The following NRAP variants were observed in gnomAD, a reference collection of about 807,000 sequenced individuals.
NRAP encodes the protein nebulin related anchoring protein.
A neutral mutation model predicts 225.9 loss-of-function variants in NRAP; 189 were observed. The ratio of observed to expected loss-of-function variants is 0.84; its 90% CI spans 0.74 to 0.94. The LOEUF (loss-of-function observed/expected upper bound fraction) is 0.94. NRAP is among the 40% of genes least tolerant of loss of function. The pLI is 0.00. For synonymous variants in NRAP, 769 were observed against 790.7 expected, an observed-to-expected ratio of 0.97 and a Z score of 0.46; for missense variants, 2,176 against 2,168.7, an observed-to-expected ratio of 1.00 and a Z score of -0.07.
chr10:113,648,877 G>A (rs77741765), intron 9 of NRAP, among the ~76,000 whole-genome samples: 3,056 of 152,218 alleles, frequency 0.02, 111 homozygotes, highest in African/African-American at 0.07. Context: ...GACATGTCTA[G>A]GTACACATAT....
In NRAP at chr10:113,591,023, A is replaced by G. The variant is rs2133816534; in HGVS notation, c.4645-134T>C. On this transcript the variant is annotated intron_variant, in intron 39 of 41. Transcript: ENST00000359988. ...TTAGAGGCACAGGCTTTGGATTCAAATAGACCTATCTGTGTGGTCATGGGC... is the reference window on the plus strand; with the variant it reads ...TTAGAGGCACAGGCTTTGGATTCAAGTAGACCTATCTGTGTGGTCATGGGC... 3 of 690,320 alleles carry G rather than the reference A, an allele frequency of 4.3e-6. No individual in the cohort carries two copies. The South Asian group carries it at 5.6e-5, about 13-fold the overall frequency. 42.8% of individuals were successfully genotyped at this position (690,320 alleles called of 1,614,324 possible). A position where few individuals can be genotyped will look rare whatever the true frequency, so the allele number is the denominator to read the frequency against.
At chr10:113,630,997 G>C (rs1848543497) in intron 18 of NRAP, among the ~76,000 whole-genome samples, 2 of 152,098 alleles carry the variant, frequency 1.3e-5, no homozygotes, top group South Asian at 4.2e-4. Flanking sequence ...CATTTACCAA[G>C]GTTCCTCTCC....
chr10:113,614,568 ACT>A (rs1295279092), intron 28 of NRAP, among the ~76,000 whole-genome samples: 2 of 152,098 alleles, frequency 1.3e-5, no homozygotes, highest in African/African-American at 2.4e-5. Flanking sequence ...CTTCACATGG[ACT>A]CTCTTTATGA....
intron 21 of NRAP, 72 bp downstream of exon 21, chr10:113,625,975 G>A: frequency 9.9e-7 from 1 of 1,013,900 alleles, no homozygotes. Context: ...GGCGGCACCT[G>A]CTGTTGTCCC....
chr10:113,655,916 T>C (rs781265103), intron 4 of NRAP, among the ~76,000 whole-genome samples: 1 of 152,222 alleles, frequency 6.6e-6, no homozygotes, highest in South Asian at 2.1e-4. Flanking sequence ...AGAAATATAC[T>C]GTAAACCAAA....
intron 37 of NRAP, 141 bp downstream of exon 37, chr10:113,596,945 C>T (rs1846313890): frequency 3.4e-6 from 2 of 583,940 alleles, no homozygotes; most frequent in South Asian, 2.4e-5. Context: ...GAAAGATTTA[C>T]ACACCCATCT....
chr10:113,641,369 C>T lies in NRAP; in HGVS notation c.1319G>A (p.Ser440Asn), dbSNP rs776478802. ...LHAMKVGSLASNVAYKADYKH... is the reference protein window; with the variant it reads ...LHAMKVGSLANNVAYKADYKH... The stretch of plus-strand genomic sequence containing the variant: ...CCCTGGCATAAAAGGACTCACGTTG[C>T]TTGCCAGGCTGCCAACTTTCATAGC... The change falls in exon 13 of 42, where the codon AGC becomes AAC. Residue 440 changes from serine to asparagine, a missense_variant. Transcript: ENST00000359988. The T allele has an allele frequency of 1.2e-6, 2 of 1,609,328 alleles. No homozygotes were observed. Among genetic ancestry groups the T allele is most frequent in the Admixed American group, 1.7e-5 (1 of 59,954 alleles).
intron 41 of NRAP, 122 bp downstream of exon 41, chr10:113,589,544 C>A: frequency 4.1e-6 from 5 of 1,205,500 alleles, no homozygotes; most frequent in Non-Finnish European, 3.5e-6. Flanking sequence ...GTTTGAGCTG[C>A]GTTTCACACT....
rs765441286 is a variant in NRAP, at chr10:113,640,261, T to C, written c.1394A>G (p.Tyr465Cys). The C allele has an allele frequency of 3.7e-6, 6 of 1,606,442 alleles. No homozygotes were observed. Among genetic ancestry groups the C allele is most frequent in the Admixed American group, 1.7e-5 (1 of 58,620 alleles). Reference sequence around the variant, plus strand: ...GGGCACCAGTTTCATAGCTGTTTGATAGGAAGGCGTGAGAGTGGCTGGGTA... The same window carrying C: ...GGGCACCAGTTTCATAGCTGTTTGACAGGAAGGCGTGAGAGTGGCTGGGTA... ...YNYPATLTPS[Y>C]QTAMKLVPLK... The change falls in exon 14 of 42, where the codon TAT becomes TGT. Residue 465 changes from tyrosine (Y) to cysteine (C), a missense_variant. Physicochemically the swap from Tyr to Cys is radical, Grantham distance 194. Coordinates refer to ENST00000359988, the MANE Select transcript of NRAP (RefSeq NM_198060.4).
chr10:113,615,705 G>A lies in NRAP; in HGVS notation c.3078+7C>T. 1.3e-6 allele frequency: 2 copies of A among 1,556,716 alleles called. No homozygotes were observed. Among genetic ancestry groups the A allele is most frequent in the African/African-American group, 1.4e-5 (1 of 74,002 alleles). ...ATTAAAACTCGTGCCCCTTGGGTCA[G>A]CCTCACCTCACTGATATTCATGGCA... On this transcript the variant is annotated splice_region_variant and intron_variant, in intron 27 of 41. Coordinates refer to ENST00000359988, the MANE Select transcript of NRAP (RefSeq NM_198060.4).
rs191236517 is a variant in NRAP at position 113,597,869 on chromosome 10, A to C, written c.4332+100T>G. ...CAAAAATACTGGGAGTCCAGTGGCC[A>C]TGAGGTCCTTTGGGTTCTCCACTCC... On this transcript the variant is annotated intron_variant, in intron 36 of 41. Coordinates refer to ENST00000359988, the MANE Select transcript of NRAP (RefSeq NM_198060.4). The C allele has an allele frequency of 7.0e-6, 6 of 859,074 alleles. No homozygotes were observed. The African/African-American group carries it at 8.2e-5, about 12-fold the overall frequency. The allele number at this position is 859,074 out of a possible 1,614,324, so 53.2% of individuals were successfully genotyped here. A position where few individuals can be genotyped will look rare whatever the true frequency, so the allele number is the denominator to read the frequency against.
intron 24 of NRAP, among the ~76,000 whole-genome samples, chr10:113,621,583 C>T (rs1113394): frequency 6.6e-6 from 1 of 152,088 alleles, no homozygotes; most frequent in African/African-American, 2.4e-5. Context: ...AAAGATACCT[C>T]CCCCCTGGCA....
intron 21 of NRAP, 30 bp downstream of exon 21, chr10:113,626,017 T>C (rs761641915): frequency 2.6e-6 from 4 of 1,513,200 alleles, no homozygotes; most frequent in Non-Finnish European, 3.6e-6. Flanking sequence ...ACACAGCAGC[T>C]TGGTGGAGAA....
intron 31 of NRAP, among the ~76,000 whole-genome samples, chr10:113,610,171 GA>G (rs1847236472): frequency 6.6e-6 from 1 of 151,954 alleles, no homozygotes; most frequent in Non-Finnish European, 1.5e-5. Context: ...CCAACATGGT[GA>G]AACCCCATCT....
chr10:113,629,163 T>G (rs1322870604), intron 19 of NRAP, 142 bp from the exon 20 acceptor site: 6 of 693,526 alleles, frequency 8.7e-6, no homozygotes, highest in Non-Finnish European at 1.5e-5. Context: ...CAGGCAGATC[T>G]CCACTTGGGA....
chr10:113,605,456 A>G (rs984467564), intron 34 of NRAP, among the ~76,000 whole-genome samples: 47 of 152,182 alleles, frequency 3.1e-4, no homozygotes, highest in African/African-American at 1.1e-3. Context: ...CTCGTTCTAA[A>G]TCTGGGTGGA....
intron 9 of NRAP, among the ~76,000 whole-genome samples, chr10:113,647,917 T>C (rs1326234630): frequency 6.6e-6 from 1 of 152,252 alleles, no homozygotes; most frequent in Non-Finnish European, 1.5e-5. Context: ...GAAAACCTTC[T>C]CTTTCATGAC....
chr10:113,648,614 A>G (rs1275765127), intron 9 of NRAP, among the ~76,000 whole-genome samples: 1 of 152,002 alleles, frequency 6.6e-6, no homozygotes, highest in Admixed American at 6.6e-5. Context: ...GGCACTACAG[A>G]TATTTATAGT....
At position 113,603,885 on chromosome 10, in the gene NRAP, C is replaced by G. The variant is rs138626121; in HGVS notation, c.4227+724G>C. Reference sequence around the variant, plus strand: ...CCCTATTTTAAATGGCACACGTGTACGTGCACGCACACACACACACGCACA... The same window carrying G: ...CCCTATTTTAAATGGCACACGTGTAGGTGCACGCACACACACACACGCACA... On this transcript the variant is annotated intron_variant, in intron 35 of 41. Transcript: ENST00000359988. Among the ~76,000 whole-genome samples the G allele has an allele frequency of 5.4e-3, 815 of 152,254 alleles. 7 individuals are homozygous for G. The highest frequency in any genetic ancestry group is 0.018 in the African/African-American group (749 of 41,550).
Sources: allele counts gnomAD v4.1 joint callset (sites outside exome capture counted in the v4.1 genomes callset), GRCh38; gene constraint gnomAD v4.1.1; transcripts MANE v1.5; gene names NCBI Gene and HGNC (gene_info 2026-07-23, HGNC 2026-07-21).